Variants in TBC1D14 observed in about 807,000 individuals in gnomAD.
TBC1D14 encodes the protein TBC1 domain family member 14.
TBC1D14 carries 26 observed loss-of-function variants against 79.0 expected under a neutral mutation model. That is an observed-to-expected ratio of 0.33 (90% CI 0.24 to 0.46). TBC1D14 has a LOEUF of 0.46. Ranked by LOEUF, TBC1D14 falls within the 20% of genes least tolerant of loss-of-function variation. TBC1D14 has a pLI of 1.00. For missense variants in TBC1D14, 769 were observed against 887.6 expected (o/e 0.87, Z 1.70); for synonymous variants, 394 against 349.9 (o/e 1.13, Z -1.40).
intron 8 of TBC1D14, among the ~76,000 whole-genome samples, chr4:7,006,259 G>A (rs1720188605): frequency 6.7e-6 from 1 of 150,350 alleles, no homozygotes; most frequent in Non-Finnish European, 1.5e-5. Flanking sequence ...AGATGTTTGA[G>A]ATCGAGCAGT....
At chr4:6,988,127 A>G (rs1009230516) in intron 3 of TBC1D14, among the ~76,000 whole-genome samples, 1 of 152,144 alleles carries the variant, frequency 6.6e-6, no homozygotes, top group African/African-American at 2.4e-5. Context: ...CCCCCTCAAA[A>G]TGGCAAAACA....
At chr4:7,012,718 T>C (rs1431280942) in intron 11 of TBC1D14, among the ~76,000 whole-genome samples, 3 of 152,218 alleles carry the variant, frequency 2.0e-5, no homozygotes, top group Non-Finnish European at 4.4e-5. Context: ...ACAGAATTAC[T>C]AGTGTTTATA....
intron 1 of TBC1D14, chr4:6,910,625 C>T (rs558563629): frequency 1.2e-4 from 18 of 152,364 alleles, no homozygotes; most frequent in African/African-American, 4.3e-4. Context: ...CTCCTGGTCT[C>T]CCTCCCGCCA....
At chr4:6,929,946 A>C (rs1711576299) in intron 2 of TBC1D14, among the ~76,000 whole-genome samples, 1 of 152,216 alleles carries the variant, frequency 6.6e-6, no homozygotes, top group Non-Finnish European at 1.5e-5. Context: ...CGATTTGAAC[A>C]TTCACTTGTT....
At chr4:6,913,492 G>C (rs1444145202) in intron 1 of TBC1D14, among the ~76,000 whole-genome samples, 6 of 152,214 alleles carry the variant, frequency 3.9e-5, no homozygotes, top group Admixed American at 3.9e-4. Context: ...TATGAGCTTT[G>C]ATGTCAGATC....
At chr4:7,008,628 G>A (rs1414153300) in intron 9 of TBC1D14, among the ~76,000 whole-genome samples, 1 of 152,174 alleles carries the variant, frequency 6.6e-6, no homozygotes, top group East Asian at 1.9e-4. Context: ...GGCCAGGCTG[G>A]TCTCGAACTC....
intron 2 of TBC1D14, among the ~76,000 whole-genome samples, chr4:6,937,715 A>G (rs1712475578): frequency 6.6e-6 from 1 of 152,194 alleles, no homozygotes; most frequent in African/African-American, 2.4e-5. Flanking sequence ...AAGTGTGTAC[A>G]GGGAAGGGAG....
chr4:7,016,698 A>G (rs1169191207), intron 12 of TBC1D14, among the ~76,000 whole-genome samples: 1 of 152,222 alleles, frequency 6.6e-6, no homozygotes, highest in Non-Finnish European at 1.5e-5. Flanking sequence ...AACCCTGACC[A>G]TGTGAAGCAT....
chr4:6,920,994 G>T (rs1486663343), intron 1 of TBC1D14, among the ~76,000 whole-genome samples: 4 of 152,168 alleles, frequency 2.6e-5, no homozygotes, highest in Non-Finnish European at 4.4e-5. Flanking sequence ...TGGCCAGGCT[G>T]GTCTGGAACT....
intron 2 of TBC1D14, among the ~76,000 whole-genome samples, chr4:6,931,407 C>T (rs893179823): frequency 2.0e-5 from 3 of 152,186 alleles, no homozygotes; most frequent in African/African-American, 7.2e-5. Context: ...GTAACCTTGA[C>T]CCGAGACGTT....
rs1719659402 is a variant in TBC1D14, at chr4:7,001,379, G to A, written c.1270+128G>A. On this transcript the variant is annotated intron_variant, in intron 7 of 13. Coordinates refer to ENST00000409757, the MANE Select transcript of TBC1D14 (RefSeq NM_020773.3). ...GTGTCTTTTGAGAGACCAGGAGACT[G>A]TGTCCTTCAGGAGAGAGGGGCAGTT... 6.3e-6 allele frequency: 5 copies of A among 791,964 alleles called. No individual in the cohort carries two copies. In the East Asian group the frequency reaches 1.4e-4, roughly 22 times the overall value. The allele number at this position is 791,964 out of a possible 1,614,324, so 49.1% of individuals were successfully genotyped here. A position where few individuals can be genotyped will look rare whatever the true frequency, so the allele number is the denominator to read the frequency against.
intron 2 of TBC1D14, among the ~76,000 whole-genome samples, chr4:6,930,474 G>A (rs765802248): frequency 2.0e-5 from 3 of 152,214 alleles, no homozygotes; most frequent in Non-Finnish European, 4.4e-5. Flanking sequence ...CAAGGAACTC[G>A]TAGGATGGTT....
chr4:6,952,893 G>T (rs1714173513), intron 2 of TBC1D14, among the ~76,000 whole-genome samples: 1 of 152,058 alleles, frequency 6.6e-6, no homozygotes, highest in South Asian at 2.1e-4. Flanking sequence ...TGTCGCCCAG[G>T]CTGGAGTGCA....
At chr4:6,933,957 G>A (rs1388803018) in intron 2 of TBC1D14, among the ~76,000 whole-genome samples, 1 of 152,176 alleles carries the variant, frequency 6.6e-6, no homozygotes, top group Non-Finnish European at 1.5e-5. Flanking sequence ...AGAAAAGAAA[G>A]GAGTCAAAGA....
intron 11 of TBC1D14, among the ~76,000 whole-genome samples, 167 bp from the exon 12 acceptor site, chr4:7,014,281 C>CT (rs1560351308): frequency 6.6e-6 from 1 of 152,116 alleles, no homozygotes; most frequent in Non-Finnish European, 1.5e-5. Flanking sequence ...AGAAATAGTG[C>CT]TTGTTTATAA....
Position 6,954,596 on chromosome 4 carries a change from CTGTTTT to C in TBC1D14, c.723-12706_723-12701del, listed in dbSNP as rs1311829612. Among the ~76,000 whole-genome samples the C allele has an allele frequency of 6.9e-5, 4 of 57,690 alleles. No homozygotes were observed. In the Admixed American group the frequency reaches 8.0e-4, roughly 12 times the overall value. 37.8% of individuals were successfully genotyped at this position (57,690 alleles called of 152,430 possible). A position where few individuals can be genotyped will look rare whatever the true frequency, so the allele number is the denominator to read the frequency against. On this transcript the variant is annotated intron_variant, in intron 2 of 13. Transcript: ENST00000409757. ...ACTGCACTTCCTTGACTTGGATATTCTGTTTTTAAGGACTGTTTTTTTGAGACGGAG... is the reference window on the plus strand; with the variant it reads ...ACTGCACTTCCTTGACTTGGATATTCTAAGGACTGTTTTTTTGAGACGGAG...
chr4:6,916,600 G>A (rs1723419694), intron 1 of TBC1D14, among the ~76,000 whole-genome samples: 1 of 152,206 alleles, frequency 6.6e-6, no homozygotes, highest in Admixed American at 6.5e-5. Context: ...TTTCTGACTT[G>A]TATTGAAGTG....
intron 1 of TBC1D14, among the ~76,000 whole-genome samples, chr4:6,921,589 G>T (rs1723863389): frequency 1.3e-5 from 2 of 151,844 alleles, no homozygotes. Flanking sequence ...GCAGTGGCAT[G>T]ATCTTGGCCC....
chr4:6,977,569 T>C (rs1353825033), intron 3 of TBC1D14, among the ~76,000 whole-genome samples: 1 of 149,520 alleles, frequency 6.7e-6, no homozygotes, highest in Non-Finnish European at 1.5e-5. Context: ...GGAGCGTCTC[T>C]GCCTGGCCGC....
Sources: allele counts gnomAD v4.1 joint callset (sites outside exome capture counted in the v4.1 genomes callset), GRCh38; gene constraint gnomAD v4.1.1; transcripts MANE v1.5; gene names NCBI Gene and HGNC (gene_info 2026-07-23, HGNC 2026-07-21).